Variants in NCAM2 observed in about 807,000 individuals in gnomAD.
The protein encoded by NCAM2 is neural cell adhesion molecule 2.
NCAM2 carries 30 observed loss-of-function variants against 98.1 expected under a neutral mutation model. That is an observed-to-expected ratio of 0.31 (90% CI 0.23 to 0.41). The LOEUF is 0.41. Ranked by LOEUF, NCAM2 falls within the 10% of genes least tolerant of loss-of-function variation. The probability of loss-of-function intolerance (pLI) is 1.00; values close to 1 mark genes in which losing one functional copy is unlikely to be tolerated. For synonymous variants in NCAM2, 368 were observed against 342.4 expected (o/e 1.07, Z -0.83); for missense variants, 867 against 1,005.8 (o/e 0.86, Z 1.87).
At chr21:21,319,621 A>G (rs1272827789) in intron 5 of NCAM2, among the ~76,000 whole-genome samples, 1 of 152,212 alleles carries the variant, frequency 6.6e-6, no homozygotes, top group Non-Finnish European at 1.5e-5. Flanking sequence ...AGCCTGTCCG[A>G]CAGAGTGAGA....
chr21:21,441,776 A>G (rs1459846933), intron 12 of NCAM2, among the ~76,000 whole-genome samples: 2 of 152,190 alleles, frequency 1.3e-5, no homozygotes, highest in Non-Finnish European at 2.9e-5. Context: ...GCTGCTAACA[A>G]AAGTGCCCTT....
At chr21:21,465,189 A>G (rs1983520162) in intron 12 of NCAM2, among the ~76,000 whole-genome samples, 1 of 152,042 alleles carries the variant, frequency 6.6e-6, no homozygotes, top group African/African-American at 2.4e-5. Flanking sequence ...GGTATTAAGT[A>G]ATTTTTATAT....
chr21:21,302,803 A>G (rs1256781425), intron 5 of NCAM2, among the ~76,000 whole-genome samples: 1 of 152,186 alleles, frequency 6.6e-6, no homozygotes, highest in Non-Finnish European at 1.5e-5. Context: ...AGAGACGTGT[A>G]TGTTCATCAC....
At chr21:21,203,769 G>C (rs2069326969) in intron 1 of NCAM2, among the ~76,000 whole-genome samples, 1 of 152,066 alleles carries the variant, frequency 6.6e-6, no homozygotes. Context: ...ATTTTTTCCT[G>C]ATTACTTCTT....
At chr21:21,116,187 C>T (rs534980179) in intron 1 of NCAM2, among the ~76,000 whole-genome samples, 57 of 152,148 alleles carry the variant, frequency 3.7e-4, no homozygotes, top group Non-Finnish European at 7.4e-4. Flanking sequence ...ATGCTCCCAG[C>T]GGACATGTGC....
intron 8 of NCAM2, among the ~76,000 whole-genome samples, chr21:21,340,882 A>G (rs892745102): frequency 2.0e-5 from 3 of 151,986 alleles, no homozygotes; most frequent in Admixed American, 2.0e-4. Context: ...TCTTTTTAAT[A>G]TGAGTTTTTA....
chr21:21,013,379 C>T (rs1028784763), intron 1 of NCAM2, among the ~76,000 whole-genome samples: 6 of 152,244 alleles, frequency 3.9e-5, no homozygotes, highest in East Asian at 1.9e-4. Flanking sequence ...TAAACCAAAG[C>T]GTAATCCAGA....
chr21:21,308,575 G>T (rs1016768984), intron 5 of NCAM2, among the ~76,000 whole-genome samples: 1 of 152,126 alleles, frequency 6.6e-6, no homozygotes, highest in South Asian at 2.1e-4. Context: ...TTCTTAAGCA[G>T]TGTGGATACA....
chr21:21,288,375 A>G lies in NCAM2; in HGVS notation c.481+1963A>G, dbSNP rs1348481123. ...CATGTATCGCTCTCATTCCTTCTCT[A>G]TGAGTTTTTAAATCTTGGAATCAGT... On this transcript the variant is annotated intron_variant, in intron 4 of 17. Coordinates refer to ENST00000400546, the MANE Select transcript of NCAM2 (RefSeq NM_004540.5). Among the ~76,000 whole-genome samples, 4 of 151,884 alleles carry G rather than the reference A, an allele frequency of 2.6e-5. No individual in the cohort carries two copies. The East Asian group carries it at 7.7e-4, about 29-fold the overall frequency.
At chr21:21,437,613 C>G (rs1978581226) in intron 12 of NCAM2, among the ~76,000 whole-genome samples, 1 of 151,936 alleles carries the variant, frequency 6.6e-6, no homozygotes, top group African/African-American at 2.4e-5. Context: ...TGAGGCCATT[C>G]AAAACCAATC....
chr21:21,429,731 T>C (rs2077288606), intron 11 of NCAM2, among the ~76,000 whole-genome samples: 1 of 152,202 alleles, frequency 6.6e-6, no homozygotes, highest in Admixed American at 6.5e-5. Context: ...CAGATATGAT[T>C]TTAATAGTTC....
intron 1 of NCAM2, among the ~76,000 whole-genome samples, chr21:21,019,386 G>A (rs1231826742): frequency 1.3e-5 from 2 of 152,054 alleles, no homozygotes; most frequent in Non-Finnish European, 2.9e-5. Context: ...CATGCCATAG[G>A]TTTTATGATG....
intron 1 of NCAM2, among the ~76,000 whole-genome samples, chr21:21,224,105 A>G (rs1366548528): frequency 6.6e-6 from 1 of 152,170 alleles, no homozygotes; most frequent in African/African-American, 2.4e-5. Flanking sequence ...AGCCATATAA[A>G]TGTGTAGCAA....
chr21:21,318,201 G>T (rs11702626), intron 5 of NCAM2, among the ~76,000 whole-genome samples: 1 of 152,084 alleles, frequency 6.6e-6, no homozygotes, highest in South Asian at 2.1e-4. Context: ...TAGAATATAC[G>T]CTGAAAGAAT....
At chr21:21,257,781 C>T (rs1422100820) in intron 1 of NCAM2, among the ~76,000 whole-genome samples, 1 of 152,118 alleles carries the variant, frequency 6.6e-6, no homozygotes, top group African/African-American at 2.4e-5. Flanking sequence ...CAGGGTTTCA[C>T]CATGTTGGCC....
chr21:21,009,887 G>C (rs1169048906), intron 1 of NCAM2, among the ~76,000 whole-genome samples: 2 of 120,360 alleles, frequency 1.7e-5, no homozygotes, highest in Admixed American at 8.7e-5. Context: ...TGATAGCTGT[G>C]TGTGTGTGTG....
intron 1 of NCAM2, among the ~76,000 whole-genome samples, chr21:21,173,029 G>A (rs1353167833): frequency 6.6e-6 from 1 of 152,154 alleles, no homozygotes; most frequent in Non-Finnish European, 1.5e-5. Context: ...AGTGTGAAAT[G>A]TATCTTCACT....
At chr21:21,410,001 C>T (rs1055866537) in intron 9 of NCAM2, among the ~76,000 whole-genome samples, 11 of 151,974 alleles carry the variant, frequency 7.2e-5, no homozygotes, top group African/African-American at 1.7e-4. Flanking sequence ...GGCTTGGTGG[C>T]GGGCACCTGT....
intron 9 of NCAM2, among the ~76,000 whole-genome samples, chr21:21,375,126 C>A (rs948357458): frequency 1.3e-5 from 2 of 150,212 alleles, no homozygotes; most frequent in African/African-American, 4.9e-5. Flanking sequence ...AACTAACCTG[C>A]ACATTGTGCA....
Sources: gnomAD v4.1 joint callset for allele counts (sites outside exome capture counted in the v4.1 genomes callset) on GRCh38, gnomAD v4.1.1 for gene constraint, MANE v1.5 for transcripts, NCBI Gene and HGNC (gene_info 2026-07-23, HGNC 2026-07-21) for gene names.